The following SPMIP3 variants were observed in gnomAD, a reference collection of about 807,000 sequenced individuals.
SPMIP3 encodes the protein sperm microtubule inner protein 3.
At chr1:244,358,607 ATGTGTATGTGTGTG>A in the SPMIP3 span, among the ~76,000 whole-genome samples, 1 of 101,612 alleles carries the variant, frequency 9.8e-6, no homozygotes, top group African/African-American at 3.2e-5. Flanking sequence ...TTAAGTATGT[ATGTGTATGTGTGTG>A]TGTGTATATA....
the SPMIP3 span, among the ~76,000 whole-genome samples, chr1:244,373,859 A>G: frequency 1.3e-5 from 2 of 152,126 alleles, no homozygotes; most frequent in African/African-American, 4.8e-5. Flanking sequence ...CATGCCTGTA[A>G]TCCCAGCACT....
the SPMIP3 span, among the ~76,000 whole-genome samples, chr1:244,382,078 A>G: frequency 6.6e-6 from 1 of 152,376 alleles, no homozygotes; most frequent in East Asian, 1.9e-4. Context: ...TGGTGACCCC[A>G]GTATGATTTA....
chr1:244,367,375 C>T, the SPMIP3 span, among the ~76,000 whole-genome samples: 2 of 152,066 alleles, frequency 1.3e-5, no homozygotes, highest in Non-Finnish European at 2.9e-5. Context: ...TTGCAGAGAG[C>T]AGGGGGAGGC....
the SPMIP3 span, among the ~76,000 whole-genome samples, chr1:244,374,587 C>CTTTTTT: frequency 2.1e-4 from 16 of 74,632 alleles, no homozygotes; most frequent in South Asian, 5.7e-4. Flanking sequence ...CCACATTTCT[C>CTTTTTT]TTTTTTTTTT....
the SPMIP3 span, among the ~76,000 whole-genome samples, chr1:244,368,696 G>A: frequency 6.6e-6 from 1 of 152,248 alleles, no homozygotes; most frequent in Non-Finnish European, 1.5e-5. Context: ...CCTGGTGACT[G>A]ATGGCACCTG....
At chr1:244,378,619 C>G in the SPMIP3 span, 5 of 1,613,344 alleles carry the variant, frequency 3.1e-6, no homozygotes, top group African/African-American at 4.0e-5. Flanking sequence ...CGAGACTATT[C>G]TCTGCCATTT....
chr1:244,372,817 A>G, the SPMIP3 span, among the ~76,000 whole-genome samples: 1 of 152,346 alleles, frequency 6.6e-6, no homozygotes, highest in East Asian at 1.9e-4. Flanking sequence ...TCCAGGCATC[A>G]CAAACTCAAT....
the SPMIP3 span, among the ~76,000 whole-genome samples, chr1:244,375,917 T>C: frequency 3.9e-5 from 6 of 152,184 alleles, no homozygotes; most frequent in African/African-American, 1.4e-4. Flanking sequence ...TCCGCCCACT[T>C]TGGCCTCCCA....
At chr1:244,374,831 C>CA in the SPMIP3 span, among the ~76,000 whole-genome samples, 1 of 151,996 alleles carries the variant, frequency 6.6e-6, no homozygotes, top group Non-Finnish European at 1.5e-5. Context: ...CTCCTGACCC[C>CA]AAGTGATCCA....
the SPMIP3 span, among the ~76,000 whole-genome samples, chr1:244,369,326 T>C: frequency 2.0e-5 from 3 of 152,144 alleles, no homozygotes; most frequent in Admixed American, 6.5e-5. Context: ...TTGTAGAAGA[T>C]CGAAGATACA....
the SPMIP3 span, among the ~76,000 whole-genome samples, chr1:244,363,015 T>TTG: frequency 2.5e-4 from 37 of 150,424 alleles, no homozygotes; most frequent in African/African-American, 8.8e-4. Flanking sequence ...GGCTTTTTTT[T>TTG]TTGTTGTTGT....
the SPMIP3 span, among the ~76,000 whole-genome samples, chr1:244,368,376 A>G: frequency 6.6e-6 from 1 of 152,142 alleles, no homozygotes; most frequent in African/African-American, 2.4e-5. Flanking sequence ...AACTCCTTTA[A>G]CCTTCACTAC....
chr1:244,387,932 T>A, the SPMIP3 span, among the ~76,000 whole-genome samples: 1 of 152,038 alleles, frequency 6.6e-6, no homozygotes, highest in Non-Finnish European at 1.5e-5. Context: ...TCTCTTTTTT[T>A]TTTTTTATTT....
the SPMIP3 span, chr1:244,364,867 G>A: frequency 3.2e-5 from 36 of 1,133,248 alleles, no homozygotes; most frequent in East Asian, 1.7e-4. Context: ...TACTGCCAGG[G>A]AGTTCTAGGG....
At chr1:244,384,546 A>T in the SPMIP3 span, among the ~76,000 whole-genome samples, 8 of 152,244 alleles carry the variant, frequency 5.3e-5, no homozygotes, top group East Asian at 1.5e-3. Flanking sequence ...TTGGAGTTTT[A>T]AAAAATCTGG....
At chr1:244,375,256 C>A in the SPMIP3 span, 1 of 753,502 alleles carries the variant, frequency 1.3e-6, no homozygotes, top group Non-Finnish European at 2.1e-6. Flanking sequence ...GGGCTCAGTG[C>A]CAGAAACTGG....
chr1:244,360,563 T>C, the SPMIP3 span, among the ~76,000 whole-genome samples: 2,677 of 20,624 alleles, frequency 0.13, 113 homozygotes, highest in South Asian at 0.21. Context: ...CACACATGCA[T>C]GCATGGAATA....
chr1:244,367,786 C>T, the SPMIP3 span, among the ~76,000 whole-genome samples: 1 of 152,294 alleles, frequency 6.6e-6, no homozygotes, highest in South Asian at 2.1e-4. Flanking sequence ...CCAGATAAGA[C>T]CACAGTTAAA....
chr1:244,364,574 G>A, the SPMIP3 span: 4 of 881,000 alleles, frequency 4.5e-6, no homozygotes, highest in Non-Finnish European at 7.4e-6. Flanking sequence ...CTTCTACCAT[G>A]TCAAATATTT....
Sources: gnomAD v4.1 joint callset for allele counts (sites outside exome capture counted in the v4.1 genomes callset) on GRCh38, gnomAD v4.1.1 for gene constraint, MANE v1.5 for transcripts, NCBI Gene and HGNC (gene_info 2026-07-23, HGNC 2026-07-21) for gene names.